The following SH3GL2 variants were observed in gnomAD, a reference collection of about 807,000 sequenced individuals.
SH3GL2 encodes endophilin-A1.
In SH3GL2, 24 loss-of-function variants were observed where a neutral mutation model predicts 46.0. The ratio of observed to expected loss-of-function variants is 0.52; its 90% confidence interval spans 0.38 to 0.73. The LOEUF is 0.73. Ranked by LOEUF, SH3GL2 falls within the 30% of genes least tolerant of loss-of-function variation. SH3GL2 has a pLI of 0.00. For missense variants in SH3GL2, 413 were observed against 424.2 expected, an observed-to-expected ratio of 0.97 and a Z score of 0.23; for synonymous variants, 196 against 147.1, an observed-to-expected ratio of 1.33 and a Z score of -2.40.
rs73424571 is a variant in SH3GL2, at chr9:17,786,614, C to T, written c.331+90C>T. 1,336 of 1,390,864 alleles carry T rather than the reference C, an allele frequency of 9.6e-4. 10 individuals are homozygous for T. The African/African-American group carries it at 0.018, about 19-fold the overall frequency. 86.2% of individuals were successfully genotyped at this position (1,390,864 alleles called of 1,614,324 possible). A position where few individuals can be genotyped will look rare whatever the true frequency, so the allele number is the denominator to read the frequency against. Reference sequence around the variant, plus strand: ...AAATTCTGTAGGGAATCGGTCAAATCATTTTATATTTTGGTTTTCAGTTTT... The same window carrying T: ...AAATTCTGTAGGGAATCGGTCAAATTATTTTATATTTTGGTTTTCAGTTTT... On this transcript the variant is annotated intron_variant, in intron 4 of 8. Transcript: ENST00000380607.
intron 1 of SH3GL2, among the ~76,000 whole-genome samples, chr9:17,584,000 C>A (rs576054228): frequency 6.6e-6 from 1 of 152,264 alleles, no homozygotes; most frequent in Admixed American, 6.5e-5. Flanking sequence ...AAAATCTTGG[C>A]TGTGGCTTGT....
At chr9:17,612,689 T>C (rs1818896329) in intron 1 of SH3GL2, among the ~76,000 whole-genome samples, 1 of 152,212 alleles carries the variant, frequency 6.6e-6, no homozygotes, top group Non-Finnish European at 1.5e-5. Context: ...ACCATGCAGT[T>C]CACCTATTGA....
At chr9:17,641,060 T>C (rs944265358) in intron 1 of SH3GL2, among the ~76,000 whole-genome samples, 18 of 152,202 alleles carry the variant, frequency 1.2e-4, no homozygotes, top group African/African-American at 4.3e-4. Context: ...AAAATTGTTT[T>C]TTACCTAGAT....
At chr9:17,704,370 G>A (rs1464181513) in intron 1 of SH3GL2, among the ~76,000 whole-genome samples, 4 of 151,926 alleles carry the variant, frequency 2.6e-5, no homozygotes, top group Non-Finnish European at 4.4e-5. Context: ...ACTCTCCAAA[G>A]CAATTTACAG....
chr9:17,703,496 A>G (rs1821387980), intron 1 of SH3GL2, among the ~76,000 whole-genome samples: 1 of 152,012 alleles, frequency 6.6e-6, no homozygotes, highest in South Asian at 2.1e-4. Flanking sequence ...GTCACAATGA[A>G]AAAAGAAAAA....
intron 1 of SH3GL2, among the ~76,000 whole-genome samples, chr9:17,646,687 G>A (rs114405432): frequency 0.03 from 4,582 of 152,194 alleles, 98 homozygotes; most frequent in African/African-American, 0.062. Flanking sequence ...TGTTTGCCTC[G>A]GTATCACCAG....
At chr9:17,662,983 G>C (rs1364614702) in intron 1 of SH3GL2, among the ~76,000 whole-genome samples, 1 of 152,292 alleles carries the variant, frequency 6.6e-6, no homozygotes, top group African/African-American at 2.4e-5. Context: ...GATTAGAGGC[G>C]TGAGCCACCG....
chr9:17,704,181 C>T lies in SH3GL2; in HGVS notation c.46-42885C>T, dbSNP rs116316761. On this transcript the variant is annotated intron_variant, in intron 1 of 8. Transcript: ENST00000380607. ...CTGAGAGCCAAACCAAGAACACACT[C>T]CCATTCACAATAGCCACAAAAAGAA... is the stretch of plus-strand genomic sequence containing the variant. Among the ~76,000 whole-genome samples, 927 of 151,674 alleles carry T rather than the reference C, an allele frequency of 6.1e-3. 13 individuals are homozygous for T. Among genetic ancestry groups the T allele is most frequent in the African/African-American group, 0.021 (880 of 41,092 alleles).
chr9:17,791,485 G>C, intron 7 of SH3GL2, 151 bp downstream of exon 7: 2 of 611,922 alleles, frequency 3.3e-6, no homozygotes, highest in Non-Finnish European at 5.9e-6. Flanking sequence ...TTTTGATTTT[G>C]TTTTTTCTTG....
At chr9:17,720,661 AG>A (rs201462559) in intron 1 of SH3GL2, among the ~76,000 whole-genome samples, 8,945 of 152,166 alleles carry the variant, frequency 0.059, 860 homozygotes, top group African/African-American at 0.2. Context: ...AAATTATATA[AG>A]GAGGCAGTTT....
chr9:17,726,887 A>T (rs913798033), intron 1 of SH3GL2, among the ~76,000 whole-genome samples: 7 of 152,144 alleles, frequency 4.6e-5, no homozygotes, highest in Admixed American at 2.0e-4. Context: ...TCGGGGAGGA[A>T]TGCAGCAGTA....
intron 1 of SH3GL2, among the ~76,000 whole-genome samples, chr9:17,686,824 G>A (rs192180646): frequency 0.024 from 3,523 of 149,162 alleles, 57 homozygotes; most frequent in African/African-American, 0.029. Flanking sequence ...AGCACTGGGA[G>A]ATATACCTAA....
chr9:17,612,879 T>G (rs1818900645), intron 1 of SH3GL2, among the ~76,000 whole-genome samples: 1 of 152,210 alleles, frequency 6.6e-6, no homozygotes, highest in African/African-American at 2.4e-5. Context: ...TTATCACTAA[T>G]GTACTTCTGC....
At chr9:17,621,093 A>G (rs1190035198) in intron 1 of SH3GL2, among the ~76,000 whole-genome samples, 1 of 152,212 alleles carries the variant, frequency 6.6e-6, no homozygotes, top group African/African-American at 2.4e-5. Context: ...TTTGTGTCAT[A>G]TTAATGCCCT....
chr9:17,614,443 C>G (rs1379558666), intron 1 of SH3GL2, among the ~76,000 whole-genome samples: 1 of 151,766 alleles, frequency 6.6e-6, no homozygotes, highest in Non-Finnish European at 1.5e-5. Flanking sequence ...GGCTGGATTT[C>G]AGGGATCCCT....
intron 8 of SH3GL2, among the ~76,000 whole-genome samples, chr9:17,794,325 T>A (rs1198920582): frequency 6.6e-6 from 1 of 152,180 alleles, no homozygotes. Context: ...GTATCCCCAG[T>A]GCTTGATGTT....
chr9:17,607,300 A>G (rs1396067528), intron 1 of SH3GL2, among the ~76,000 whole-genome samples: 1 of 152,246 alleles, frequency 6.6e-6, no homozygotes, highest in African/African-American at 2.4e-5. Context: ...GTTGTAGGTA[A>G]TTATAACACC....
intron 2 of SH3GL2, among the ~76,000 whole-genome samples, chr9:17,757,124 C>CT (rs1823018857): frequency 6.6e-6 from 1 of 152,296 alleles, no homozygotes; most frequent in African/African-American, 2.4e-5. Context: ...TAAATGTCTT[C>CT]TTTTGAGAAG....
In SH3GL2 at chr9:17,702,966, C is replaced by T. The variant is rs576150979; in HGVS notation, c.46-44100C>T. 2.0e-5 allele frequency among the ~76,000 whole-genome samples: 3 copies of T among 152,116 alleles called. No homozygotes were observed. In the South Asian group the frequency reaches 6.2e-4, roughly 32 times the overall value. On this transcript the variant is annotated intron_variant, in intron 1 of 8. Transcript: ENST00000380607. ...GCTTTTGTTAATCCTGGATCTTGCT[C>T]TGACCTGAAAGAAGCCCATTACTTT... is the stretch of plus-strand genomic sequence containing the variant.
Sources: allele counts gnomAD v4.1 joint callset (sites outside exome capture counted in the v4.1 genomes callset), GRCh38; gene constraint gnomAD v4.1.1; transcripts MANE v1.5; gene names NCBI Gene and HGNC (gene_info 2026-07-23, HGNC 2026-07-21).